Variants in ABRAXAS2 observed in about 807,000 individuals in gnomAD.
ABRAXAS2 encodes the protein abraxas 2, BRISC complex subunit.
ABRAXAS2 carries 23 observed loss-of-function variants against 49.0 expected under a neutral mutation model. The observed-to-expected ratio is 0.47, with a 90% confidence interval of 0.34 to 0.66. The LOEUF is 0.66. Among genes scored for constraint, ABRAXAS2 ranks in the 30% least tolerant of loss-of-function variants. The pLI is 0.01. For synonymous variants in ABRAXAS2, 168 were observed against 180.2 expected (o/e 0.93, Z 0.54); for missense variants, 443 against 511.9 (o/e 0.87, Z 1.30).
chr10:124,812,040 G>A (rs964333693), intron 2 of ABRAXAS2, among the ~76,000 whole-genome samples: 1 of 152,184 alleles, frequency 6.6e-6, no homozygotes, highest in Non-Finnish European at 1.5e-5. Flanking sequence ...GCCTCCCAAA[G>A]TGCTGGGATT....
intron 4 of ABRAXAS2, among the ~76,000 whole-genome samples, 176 bp from the exon 5 acceptor site, chr10:124,826,419 A>G (rs1950896261): frequency 6.6e-6 from 1 of 152,170 alleles, no homozygotes; most frequent in African/African-American, 2.4e-5. Flanking sequence ...GGATTCCAGC[A>G]TATGCCTGAA....
At chr10:124,827,774 A>G (rs931783708) in intron 5 of ABRAXAS2, among the ~76,000 whole-genome samples, 1 of 151,120 alleles carries the variant, frequency 6.6e-6, no homozygotes, top group African/African-American at 2.4e-5. Flanking sequence ...AACCACCCCT[A>G]TGATTATATG....
intron 4 of ABRAXAS2, among the ~76,000 whole-genome samples, chr10:124,824,781 T>A (rs1950886934): frequency 6.6e-6 from 1 of 152,026 alleles, no homozygotes; most frequent in East Asian, 1.9e-4. Context: ...CAAGTAGGAG[T>A]TGGGTACAGA....
rs567452747 is a variant in ABRAXAS2 at position 124,819,187 on chromosome 10, C to A, written c.201-197C>A. 3.3e-5 allele frequency among the ~76,000 whole-genome samples: 5 copies of A among 152,308 alleles called. No individual in the cohort carries two copies. In the South Asian group the frequency reaches 6.2e-4, roughly 19 times the overall value. ...AGTAATATCTTTTGAATGTAGCAATCTCTTGAGTATTCGTCAATGCAAAAG... is the reference window on the plus strand; with the variant it reads ...AGTAATATCTTTTGAATGTAGCAATATCTTGAGTATTCGTCAATGCAAAAG... On this transcript the variant is annotated intron_variant, in intron 3 of 8. Coordinates refer to ENST00000298492, the MANE Select transcript of ABRAXAS2 (RefSeq NM_032182.4).
intron 1 of ABRAXAS2, among the ~76,000 whole-genome samples, chr10:124,805,311 G>A (rs958597702): frequency 6.6e-6 from 1 of 151,052 alleles, no homozygotes; most frequent in East Asian, 2.0e-4. Flanking sequence ...TCCGCAGTCC[G>A]GCCTGGGCGA....
At position 124,829,014 on chromosome 10, in the gene ABRAXAS2, T is replaced by C. The variant is rs560667842; in HGVS notation, c.578+139T>C. On this transcript the variant is annotated intron_variant, in intron 6 of 8. Coordinates refer to ENST00000298492, the MANE Select transcript of ABRAXAS2 (RefSeq NM_032182.4). The stretch of plus-strand genomic sequence containing the variant: ...TGAAGAATACAGTAAGGTAATTGTC[T>C]AGATACCACCAGCATGTATCAAAAT... The C allele has an allele frequency of 6.5e-6, 5 of 773,752 alleles. No homozygotes were observed. The East Asian group carries it at 1.4e-4, about 21-fold the overall frequency. The allele number at this position is 773,752 out of a possible 1,614,324, so 47.9% of individuals were successfully genotyped here. A position where few individuals can be genotyped will look rare whatever the true frequency, so the allele number is the denominator to read the frequency against.
chr10:124,827,020 G>A (rs1950900863), intron 5 of ABRAXAS2, among the ~76,000 whole-genome samples: 1 of 150,626 alleles, frequency 6.6e-6, no homozygotes, highest in Non-Finnish European at 1.5e-5. Context: ...CTTGAACCTG[G>A]AGGCAGAGGT....
intron 6 of ABRAXAS2, 65 bp from the exon 7 acceptor site, chr10:124,829,328 A>G: frequency 9.0e-7 from 1 of 1,112,800 alleles, no homozygotes; most frequent in Non-Finnish European, 1.4e-6. Flanking sequence ...AGGCAGGAAA[A>G]ATGCCTTTCC....
chr10:124,820,912 A>C (rs979783542), intron 4 of ABRAXAS2, among the ~76,000 whole-genome samples: 1 of 151,952 alleles, frequency 6.6e-6, no homozygotes, highest in Non-Finnish European at 1.5e-5. Flanking sequence ...TTTTTATTTT[A>C]TTTGTATTTA....
intron 3 of ABRAXAS2, among the ~76,000 whole-genome samples, chr10:124,818,738 G>C (rs947701280): frequency 6.6e-6 from 1 of 152,126 alleles, no homozygotes; most frequent in Non-Finnish European, 1.5e-5. Flanking sequence ...ACCTGGATGC[G>C]CACCACGGGA....
intron 2 of ABRAXAS2, 81 bp downstream of exon 2, chr10:124,807,002 T>A: frequency 8.8e-7 from 1 of 1,132,892 alleles, no homozygotes; most frequent in Non-Finnish European, 1.3e-6. Flanking sequence ...TGCCCTTAAC[T>A]GATTTTATCC....
chr10:124,813,469 G>A (rs1564920255), intron 2 of ABRAXAS2, among the ~76,000 whole-genome samples: 1 of 152,188 alleles, frequency 6.6e-6, no homozygotes, highest in Non-Finnish European at 1.5e-5. Flanking sequence ...GTACCACACA[G>A]CAGGGATTTG....
Position 124,834,693 on chromosome 10 carries a change from C to T in ABRAXAS2, c.970C>T (p.Arg324Cys), listed in dbSNP as rs752407314. ...TCAAGAAAGTACTTTGAGCCACTCTCGCATGGAAAGGAGTGTCTTTATGCC... is the reference window on the plus strand; with the variant it reads ...TCAAGAAAGTACTTTGAGCCACTCTTGCATGGAAAGGAGTGTCTTTATGCC... ...NNQESTLSHS[R>C]MERSVFMPRP... Residue 324 changes from arginine (R) to cysteine (C), a missense_variant, in exon 9 of 9, where the codon CGC (arginine) becomes TGC (cysteine). Transcript: ENST00000298492. 18 of 1,614,112 alleles carry T rather than the reference C, an allele frequency of 1.1e-5. No homozygotes were observed. In the Middle Eastern group the frequency reaches 4.9e-4, roughly 44 times the overall value.
Position 124,819,789 on chromosome 10 carries a change from GAAAA to G in ABRAXAS2, c.267+349_267+352del, listed in dbSNP as rs917451590. ...GCTCCATCTCAACTTAAAAAAAAAA[GAAAA>G]AAAAAAAAAGTTGAACACAGGTGTT... is the stretch of plus-strand genomic sequence containing the variant. On this transcript the variant is annotated intron_variant, in intron 4 of 8. Transcript: ENST00000298492. 2.2e-4 allele frequency among the ~76,000 whole-genome samples: 28 copies of G among 129,638 alleles called. 1 individual carries two copies. Among genetic ancestry groups the G allele is most frequent in the Non-Finnish European group, 2.9e-4 (17 of 59,324 alleles). The allele number at this position is 129,638 out of a possible 152,430, so 85.0% of individuals were successfully genotyped here.
At chr10:124,823,771 T>G (rs1589808028) in intron 4 of ABRAXAS2, among the ~76,000 whole-genome samples, 1 of 152,248 alleles carries the variant, frequency 6.6e-6, no homozygotes, top group East Asian at 1.9e-4. Flanking sequence ...CAAAATGTGC[T>G]TTTCAACATC....
intron 2 of ABRAXAS2, among the ~76,000 whole-genome samples, chr10:124,809,919 A>G (rs2134159912): frequency 6.6e-6 from 1 of 151,378 alleles, no homozygotes; most frequent in South Asian, 2.1e-4. Context: ...TGCCCGGCTA[A>G]TTTTTGTATT....
rs140790852 is a variant in ABRAXAS2 at position 124,826,718 on chromosome 10, A to G, written c.391A>G (p.Ser131Gly). 182 of 1,614,160 alleles carry G rather than the reference A, an allele frequency of 1.1e-4. No homozygotes were observed. The Admixed American group carries it at 1.3e-3, about 12-fold the overall frequency. ...GVPDLVFLLFSFISTANNSTH... is the reference protein window; with the variant it reads ...GVPDLVFLLFGFISTANNSTH... Reference sequence around the variant, plus strand: ...GCCCGACCTCGTCTTTCTTCTCTTCAGCTTCATCTCCACTGCCAACAATTC... The same window carrying G: ...GCCCGACCTCGTCTTTCTTCTCTTCGGCTTCATCTCCACTGCCAACAATTC... Residue 131 changes from serine (S) to glycine (G), a missense_variant, in exon 5 of 9, where the codon AGC becomes GGC. Ser to Gly is a moderately conservative substitution (Grantham distance 56, BLOSUM62 0). This residue lies in a region of ABRAXAS2 where 166 missense variants were observed against 247.3 expected (regional missense o/e 0.67). Transcript: ENST00000298492.
chr10:124,805,752 A>G (rs1950738200), intron 1 of ABRAXAS2, among the ~76,000 whole-genome samples: 1 of 152,230 alleles, frequency 6.6e-6, no homozygotes, highest in Admixed American at 6.5e-5. Context: ...CCTCTCCGCT[A>G]AGGTGCCATT....
chr10:124,819,518 C>A, intron 4 of ABRAXAS2, 68 bp downstream of exon 4: 1 of 1,374,466 alleles, frequency 7.3e-7, no homozygotes. Context: ...TAAAACCAGA[C>A]AGGAATGTAA....
Sources: gnomAD v4.1 joint callset for allele counts (sites outside exome capture counted in the v4.1 genomes callset) on GRCh38, gnomAD v4.1.1 for gene constraint, gnomAD v4.1.1 regional missense constraint, MANE v1.5 for transcripts, NCBI Gene and HGNC (gene_info 2026-07-23, HGNC 2026-07-21) for gene names.